DOCK2: variants seen among roughly 807,000 people sequenced by gnomAD.
The protein encoded by DOCK2 is dedicator of cytokinesis protein 2.
A neutral mutation model predicts 248.9 loss-of-function variants in DOCK2; 87 were observed. That is an observed-to-expected ratio of 0.35 (90% CI 0.29 to 0.42). The LOEUF is 0.42. Ranked by LOEUF, DOCK2 falls within the 10% of genes least tolerant of loss-of-function variation. DOCK2 has a pLI of 1.00. For missense variants in DOCK2, 1,747 were observed against 2,300.2 expected, an observed-to-expected ratio of 0.76 and a Z score of 4.92; for synonymous variants, 805 against 821.6, an observed-to-expected ratio of 0.98 and a Z score of 0.35.
intron 30 of DOCK2, among the ~76,000 whole-genome samples, chr5:170,006,834 G>A (rs137952123): frequency 2.2e-4 from 34 of 152,256 alleles, no homozygotes; most frequent in African/African-American, 7.9e-4. Context: ...TACTGACCGT[G>A]GTGTGTTAAA....
At chr5:169,931,242 A>C (rs1369478649) in intron 27 of DOCK2, among the ~76,000 whole-genome samples, 2 of 152,236 alleles carry the variant, frequency 1.3e-5, no homozygotes, top group African/African-American at 4.8e-5. Context: ...CCCAAAGACG[A>C]CCAGGAGAGT....
chr5:169,931,613 C>T (rs1775758653), intron 27 of DOCK2, among the ~76,000 whole-genome samples: 1 of 152,336 alleles, frequency 6.6e-6, no homozygotes, highest in African/African-American at 2.4e-5. Context: ...GGCAAACTGA[C>T]ACAAGATCTC....
chr5:169,761,673 C>A (rs986012221), intron 25 of DOCK2, 48 bp downstream of exon 25: 1 of 1,530,102 alleles, frequency 6.5e-7, no homozygotes, highest in Admixed American at 1.7e-5. Context: ...GCCAATAAAC[C>A]CCACATCATT....
chr5:169,796,886 C>T (rs1205468535), intron 25 of DOCK2, among the ~76,000 whole-genome samples: 3 of 152,136 alleles, frequency 2.0e-5, no homozygotes, highest in Non-Finnish European at 4.4e-5. Context: ...AAGTGGTGAG[C>T]GCCCACGATG....
At chr5:169,871,818 G>A (rs1355822406) in intron 27 of DOCK2, among the ~76,000 whole-genome samples, 1 of 152,182 alleles carries the variant, frequency 6.6e-6, no homozygotes, top group Non-Finnish European at 1.5e-5. Context: ...TGGACCAGCT[G>A]ACCAGTCCAC....
chr5:169,917,622 G>A (rs1774947507), intron 27 of DOCK2, among the ~76,000 whole-genome samples: 1 of 152,152 alleles, frequency 6.6e-6, no homozygotes, highest in African/African-American at 2.4e-5. Flanking sequence ...GTTTTTTGGT[G>A]ATTGCGAAAC....
At position 169,953,573 on chromosome 5, in the gene DOCK2, A is replaced by G. The variant is rs78896660; in HGVS notation, c.2800-29495A>G. On this transcript the variant is annotated intron_variant, in intron 27 of 51. Transcript: ENST00000520908. ...TCAGCTTTGCATTATTATTATTTGC[A>G]TTATTAATAGCATTAGACGAGGCTG... Among the ~76,000 whole-genome samples, 1,223 of 152,328 alleles carry G rather than the reference A, an allele frequency of 8.0e-3. 62 individuals are homozygous for G. The East Asian group carries it at 0.13, about 17-fold the overall frequency.
At chr5:169,730,445 C>T (rs262876) in intron 22 of DOCK2, among the ~76,000 whole-genome samples, 2 of 151,974 alleles carry the variant, frequency 1.3e-5, no homozygotes, top group Non-Finnish European at 2.9e-5. Context: ...TGAATTTGGA[C>T]AGCGAGTCAG....
chr5:169,752,078 T>C (rs114849902), intron 23 of DOCK2, among the ~76,000 whole-genome samples: 1 of 152,180 alleles, frequency 6.6e-6, no homozygotes, highest in Admixed American at 6.5e-5. Context: ...TCCTTGTGTG[T>C]GCCAGCCCTG....
chr5:169,894,203 G>A (rs970378416), intron 27 of DOCK2, among the ~76,000 whole-genome samples: 1 of 152,186 alleles, frequency 6.6e-6, no homozygotes, highest in Admixed American at 6.5e-5. Flanking sequence ...TTTTGCAGAT[G>A]AGGGAACTGG....
intron 33 of DOCK2, among the ~76,000 whole-genome samples, chr5:170,026,896 G>A (rs571678857): frequency 2.6e-5 from 4 of 152,240 alleles, no homozygotes; most frequent in African/African-American, 9.6e-5. Context: ...CATGTTTTAT[G>A]AGTATTTTTC....
chr5:169,963,418 C>A (rs1256395188), intron 27 of DOCK2, among the ~76,000 whole-genome samples: 1 of 152,178 alleles, frequency 6.6e-6, no homozygotes, highest in African/African-American at 2.4e-5. Flanking sequence ...ATACAAAAGT[C>A]CCTGGGGACC....
intron 41 of DOCK2, among the ~76,000 whole-genome samples, chr5:170,053,140 T>A (rs1056833329): frequency 2.0e-5 from 3 of 152,208 alleles, no homozygotes; most frequent in African/African-American, 2.4e-5. Context: ...CATAACAACC[T>A]CACCAGCCAT....
rs143762754 is a variant in DOCK2 at position 169,691,213 on chromosome 5, G to A, written c.843+1880G>A. ...AAACAACCAGGTCTTAGGAGAACTC[G>A]CTATCATGATGATAGCACCTTTGGT... On this transcript the variant is annotated intron_variant, in intron 9 of 51. Coordinates refer to ENST00000520908, the MANE Select transcript of DOCK2 (RefSeq NM_004946.3). Among the ~76,000 whole-genome samples, 237 of 152,242 alleles carry A rather than the reference G, an allele frequency of 1.6e-3. 1 individual carries two copies. The highest frequency in any genetic ancestry group is 5.5e-3 in the African/African-American group (229 of 41,540).
chr5:169,745,282 T>C (rs1280379213), intron 22 of DOCK2, among the ~76,000 whole-genome samples: 2 of 152,158 alleles, frequency 1.3e-5, no homozygotes, highest in East Asian at 1.9e-4. Context: ...TTGATGACAT[T>C]TGGGCAAGTT....
chr5:169,640,929 C>T (rs1435649839), intron 1 of DOCK2, among the ~76,000 whole-genome samples: 1 of 152,186 alleles, frequency 6.6e-6, no homozygotes, highest in Non-Finnish European at 1.5e-5. Context: ...TGGTTTTACA[C>T]CCATGTGTGG....
At chr5:169,734,236 A>C (rs1247276623) in intron 22 of DOCK2, among the ~76,000 whole-genome samples, 3 of 151,948 alleles carry the variant, frequency 2.0e-5, no homozygotes, top group African/African-American at 7.2e-5. Flanking sequence ...TCTTTTTCAA[A>C]TCTAATTTTT....
At position 169,738,381 on chromosome 5, in the gene DOCK2, T is replaced by C. The variant is rs80266990; in HGVS notation, c.2268-9015T>C. ...GTGAAAGGAAATGGAGGCTTGGTCC[T>C]CCATGGTACTGATGAAGATGGAGAG... On this transcript the variant is annotated intron_variant, in intron 22 of 51. Coordinates refer to ENST00000520908, the MANE Select transcript of DOCK2 (RefSeq NM_004946.3). Among the ~76,000 whole-genome samples the C allele has an allele frequency of 7.5e-3, 1,148 of 152,286 alleles. 19 individuals carry two copies. Among genetic ancestry groups the C allele is most frequent in the African/African-American group, 0.027 (1,107 of 41,554 alleles).
rs117932291 is a variant in DOCK2, at chr5:169,909,934, C to G, written c.2799+69082C>G. On this transcript the variant is annotated intron_variant, in intron 27 of 51. Coordinates refer to ENST00000520908, the MANE Select transcript of DOCK2 (RefSeq NM_004946.3). ...TTTCTTCTCAGTCCCACAATTGACC[C>G]TTGTGCAGCTTGAGCCACAAAATGC... Among the ~76,000 whole-genome samples, 89 of 152,262 alleles carry G rather than the reference C, an allele frequency of 5.8e-4. 2 individuals are homozygous for G. In the East Asian group the frequency reaches 0.016, roughly 28 times the overall value.
Sources: allele counts gnomAD v4.1 joint callset (sites outside exome capture counted in the v4.1 genomes callset), GRCh38; gene constraint gnomAD v4.1.1; transcripts MANE v1.5; gene names NCBI Gene and HGNC (gene_info 2026-07-23, HGNC 2026-07-21).